FAM13A: variants seen among roughly 807,000 people sequenced by gnomAD.
FAM13A encodes protein FAM13A.
Under a neutral mutation model 129.6 loss-of-function variants are expected in FAM13A, and 76 were observed. The ratio of observed to expected loss-of-function variants is 0.59; its 90% CI spans 0.49 to 0.71. The LOEUF (loss-of-function observed/expected upper bound fraction) is 0.71, where lower values mean the gene tolerates loss of function less well. Ranked by LOEUF, FAM13A falls within the 30% of genes least tolerant of loss-of-function variation. The pLI, the probability that FAM13A is intolerant of heterozygous loss-of-function variation, is 0.00. For missense variants in FAM13A, 1,108 were observed against 1,249.3 expected (o/e 0.89, Z 1.70); for synonymous variants, 443 against 449.9 (o/e 0.98, Z 0.20).
chr4:88,750,564 A>G lies in FAM13A; in HGVS notation c.1800T>C (p.Ala600=). 1 of 1,614,196 alleles carries G rather than the reference A, an allele frequency of 6.2e-7. No individual in the cohort carries two copies. The highest frequency in any genetic ancestry group is 8.5e-7 in the Non-Finnish European group (1 of 1,180,038). ...CCAGCAGCTGACGGATCAGGCGCCC[A>G]GCCTGCGGCGAGAGGTGGGCTTCAT... is the stretch of plus-strand genomic sequence containing the variant. ...DSDEAHLSPQ[A]GRLIRQLLDE... is the part of the protein sequence containing the mutation. Residue 600 remains alanine, a synonymous_variant, in exon 15 of 24, where the codon GCT becomes GCC. Transcript: ENST00000264344.
chr4:88,927,486 G>GTTT (rs1554031424), intron 5 of FAM13A, among the ~76,000 whole-genome samples: 6 of 95,472 alleles, frequency 6.3e-5, no homozygotes, highest in Non-Finnish European at 1.2e-4. Context: ...CTGGTTCTAG[G>GTTT]TTTTTTTTTT....
intron 5 of FAM13A, among the ~76,000 whole-genome samples, chr4:88,908,760 G>T (rs901435599): frequency 2.0e-5 from 3 of 152,204 alleles, no homozygotes; most frequent in Non-Finnish European, 2.9e-5. Flanking sequence ...GCTCAAGGAA[G>T]AAGTAGTATT....
intron 9 of FAM13A, among the ~76,000 whole-genome samples, chr4:88,789,680 G>A (rs1263703911): frequency 1.3e-5 from 2 of 152,094 alleles, no homozygotes; most frequent in African/African-American, 4.8e-5. Flanking sequence ...ATTCCCGTAG[G>A]GCAAGATAGA....
chr4:88,951,237 A>T (rs879441447), intron 4 of FAM13A, among the ~76,000 whole-genome samples: 2 of 152,204 alleles, frequency 1.3e-5, no homozygotes, highest in Non-Finnish European at 2.9e-5. Flanking sequence ...CTGAAGAAGC[A>T]GATGATGGGA....
intron 4 of FAM13A, among the ~76,000 whole-genome samples, chr4:88,953,973 T>C (rs1757343670): frequency 6.6e-6 from 1 of 152,126 alleles, no homozygotes; most frequent in African/African-American, 2.4e-5. Flanking sequence ...ATAAGAACAA[T>C]GCAAAAATTC....
intron 7 of FAM13A, among the ~76,000 whole-genome samples, chr4:88,849,212 A>G (rs185712834): frequency 1.6e-3 from 240 of 152,300 alleles, no homozygotes; most frequent in Non-Finnish European, 2.6e-3. Flanking sequence ...GGAGATTTAC[A>G]TCTTTCTAGT....
rs1205893471 is a variant in FAM13A at position 88,747,795 on chromosome 4, T to A, written c.2218A>T (p.Asn740Tyr). 7 of 1,614,124 alleles carry A rather than the reference T, an allele frequency of 4.3e-6. No homozygotes were observed. The highest frequency in any genetic ancestry group is 5.1e-6 in the Non-Finnish European group (6 of 1,180,032). Reference sequence around the variant, plus strand: ...GAACCAAAACTCTTGGGGAGTGTGTTGCTTCGCTGCCGCATCCTGGGAGTT... The same window carrying A: ...GAACCAAAACTCTTGGGGAGTGTGTAGCTTCGCTGCCGCATCCTGGGAGTT... ...DLTPRMRQRS[N>Y]TLPKSFGSQL... Residue 740 changes from asparagine to tyrosine, a missense_variant, in exon 18 of 24, where the codon AAC (asparagine) becomes TAC (tyrosine). Transcript: ENST00000264344.
intron 6 of FAM13A, among the ~76,000 whole-genome samples, chr4:88,860,144 T>C (rs1739246886): frequency 6.6e-6 from 1 of 152,228 alleles, no homozygotes; most frequent in Non-Finnish European, 1.5e-5. Flanking sequence ...AATAATTGCA[T>C]TGTGTTTTTC....
chr4:88,995,234 A>T (rs1384789168), intron 3 of FAM13A, among the ~76,000 whole-genome samples: 1 of 150,878 alleles, frequency 6.6e-6, no homozygotes, highest in Non-Finnish European at 1.5e-5. Context: ...TGTGTCTAAC[A>T]TTCTTTACCA....
intron 8 of FAM13A, 122 bp from the exon 9 acceptor site, chr4:88,790,749 A>G: frequency 2.7e-6 from 2 of 746,286 alleles, no homozygotes; most frequent in South Asian, 1.7e-5. Context: ...CCCCAAAACA[A>G]TGTTTAACCA....
chr4:88,811,386 G>A (rs1464742534), intron 7 of FAM13A, among the ~76,000 whole-genome samples: 1 of 152,058 alleles, frequency 6.6e-6, no homozygotes, highest in East Asian at 1.9e-4. Flanking sequence ...TTATTTGTAC[G>A]ACTGTGGCAT....
chr4:88,858,903 G>C (rs1334399799), intron 6 of FAM13A, among the ~76,000 whole-genome samples: 1 of 152,198 alleles, frequency 6.6e-6, no homozygotes, highest in African/African-American at 2.4e-5. Flanking sequence ...TCTCAATAAA[G>C]CTGTTACAAC....
chr4:88,843,945 C>T (rs1242870544), intron 7 of FAM13A, among the ~76,000 whole-genome samples: 1 of 152,176 alleles, frequency 6.6e-6, no homozygotes, highest in Non-Finnish European at 1.5e-5. Context: ...TGGGTCAGTA[C>T]TTTCCAAGGA....
Position 88,749,845 on chromosome 4 carries a change from T to A in FAM13A, c.2005A>T (p.Thr669Ser), listed in dbSNP as rs1346001240. 1 of 1,612,886 alleles carries A rather than the reference T, an allele frequency of 6.2e-7. No individual in the cohort carries two copies. Among genetic ancestry groups the A allele is most frequent in the East Asian group, 2.2e-5 (1 of 44,896 alleles). Residue 669 changes from threonine to serine, a missense_variant, in exon 16 of 24, where the codon ACA (threonine) becomes TCA (serine). Transcript: ENST00000264344. ...TTTTTAAGGCTCTGAATCCTTCGTG[T>A]GAGCTGGGCAGGTGTCAGGTCCTCT... ...EQEDLTPAQL[T>S]RRIQSLKKKI...
intron 4 of FAM13A, among the ~76,000 whole-genome samples, chr4:88,969,038 G>C (rs937187586): frequency 1.3e-5 from 2 of 152,130 alleles, no homozygotes; most frequent in African/African-American, 4.8e-5. Flanking sequence ...TAAGTCTTTA[G>C]TGACAGTATT....
intron 2 of FAM13A, 48 bp from the exon 3 acceptor site, chr4:89,020,717 A>G (rs755648786): frequency 9.6e-6 from 12 of 1,243,924 alleles, no homozygotes; most frequent in Non-Finnish European, 1.4e-5. Context: ...TCTCACAGAC[A>G]TGAAACGTAA....
chr4:88,825,632 T>C (rs1462218932), intron 7 of FAM13A, among the ~76,000 whole-genome samples: 4 of 152,226 alleles, frequency 2.6e-5, no homozygotes, highest in East Asian at 1.9e-4. Flanking sequence ...CTGGCTAAAA[T>C]AGACATAAAA....
At chr4:88,931,804 C>T (rs573950886) in intron 5 of FAM13A, among the ~76,000 whole-genome samples, 4 of 152,270 alleles carry the variant, frequency 2.6e-5, no homozygotes, top group Non-Finnish European at 4.4e-5. Context: ...TAAATAAGTG[C>T]CACCTCTGAG....
intron 5 of FAM13A, among the ~76,000 whole-genome samples, chr4:88,910,930 G>T (rs919184791): frequency 6.6e-6 from 1 of 152,168 alleles, no homozygotes; most frequent in African/African-American, 2.4e-5. Flanking sequence ...TTACAGGCGT[G>T]AGCCACCACG....
Sources: allele counts gnomAD v4.1 joint callset (sites outside exome capture counted in the v4.1 genomes callset), GRCh38; gene constraint gnomAD v4.1.1; transcripts MANE v1.5; gene names NCBI Gene and HGNC (gene_info 2026-07-23, HGNC 2026-07-21).